ABCC4: variants seen among roughly 807,000 people sequenced by gnomAD.
ABCC4 encodes the protein ATP-binding cassette sub-family C member 4.
In ABCC4, 102 loss-of-function variants were observed where a neutral mutation model predicts 168.5. The observed-to-expected ratio is 0.61, with a 90% CI of 0.52 to 0.71. The LOEUF is 0.71. ABCC4 is among the 30% of genes least tolerant of loss of function. The pLI is 0.00. For missense variants in ABCC4, 1,402 were observed against 1,605.8 expected (o/e 0.87, Z 2.17); for synonymous variants, 617 against 590.7 (o/e 1.04, Z -0.65).
intron 1 of ABCC4, among the ~76,000 whole-genome samples, chr13:95,259,458 T>G (rs1263204307): frequency 6.6e-6 from 1 of 152,050 alleles, no homozygotes; most frequent in African/African-American, 2.4e-5. Flanking sequence ...TACTGGCATT[T>G]GGAGCTGAAA....
At position 95,050,249 on chromosome 13, in the gene ABCC4, G is replaced by A. The variant is rs1005377734; in HGVS notation, c.3456+2846C>T. Among the ~76,000 whole-genome samples, 6 of 152,154 alleles carry A rather than the reference G, an allele frequency of 3.9e-5. No individual in the cohort carries two copies. In the East Asian group the frequency reaches 7.7e-4, roughly 20 times the overall value. ...CTACGAGAAGACCCTCAGACTCCAC[G>A]GACCCCAGGGGAAGAATTCCTGACC... On this transcript the variant is annotated intron_variant, in intron 27 of 30. Coordinates refer to ENST00000645237, the MANE Select transcript of ABCC4 (RefSeq NM_005845.5).
chr13:95,175,059 C>T (rs2037621598), intron 13 of ABCC4, among the ~76,000 whole-genome samples: 1 of 152,186 alleles, frequency 6.6e-6, no homozygotes, highest in African/African-American at 2.4e-5. Flanking sequence ...ATACCAGGCA[C>T]ATTTTGCATA....
chr13:95,163,027 A>T, intron 18 of ABCC4, 95 bp downstream of exon 18: 1 of 809,540 alleles, frequency 1.2e-6, no homozygotes, highest in Admixed American at 1.9e-5. Flanking sequence ...CTGTTAAGAC[A>T]TTACTGAATG....
At chr13:95,120,888 T>C (rs2035547592) in intron 19 of ABCC4, among the ~76,000 whole-genome samples, 1 of 152,182 alleles carries the variant, frequency 6.6e-6, no homozygotes, top group Admixed American at 6.5e-5. Flanking sequence ...CTGGAGACAG[T>C]TGCTGGGCTG....
chr13:95,266,793 C>G (rs967653772), intron 1 of ABCC4, among the ~76,000 whole-genome samples: 2 of 149,854 alleles, frequency 1.3e-5, no homozygotes, highest in Non-Finnish European at 2.9e-5. Flanking sequence ...GCATTACCAG[C>G]TGATATGGTT....
chr13:95,190,014 C>T (rs1377058842), intron 9 of ABCC4, among the ~76,000 whole-genome samples: 1 of 150,284 alleles, frequency 6.7e-6, no homozygotes, highest in African/African-American at 2.5e-5. Flanking sequence ...TAAATGTTAA[C>T]AAAATTATCA....
chr13:95,225,623 TC>T (rs1386785131), intron 4 of ABCC4, among the ~76,000 whole-genome samples: 1 of 152,164 alleles, frequency 6.6e-6, no homozygotes, highest in African/African-American at 2.4e-5. Flanking sequence ...TGAGCCAAGA[TC>T]GTGCCACTGC....
intron 1 of ABCC4, among the ~76,000 whole-genome samples, chr13:95,257,513 C>G (rs2040422291): frequency 6.6e-6 from 1 of 151,980 alleles, no homozygotes; most frequent in South Asian, 2.1e-4. Context: ...TATAAAAATA[C>G]AGAAAAATTA....
At chr13:95,112,451 G>T (rs182796248) in intron 20 of ABCC4, among the ~76,000 whole-genome samples, 117 of 151,986 alleles carry the variant, frequency 7.7e-4, no homozygotes, top group Non-Finnish European at 4.4e-4. Flanking sequence ...ATAACAACTC[G>T]ACAGTCTTAG....
At chr13:95,285,952 CT>C (rs1171870429) in intron 1 of ABCC4, among the ~76,000 whole-genome samples, 1 of 151,998 alleles carries the variant, frequency 6.6e-6, no homozygotes, top group Non-Finnish European at 1.5e-5. Flanking sequence ...AACTGACCAA[CT>C]ACCTTTTATC....
At chr13:95,187,791 AAT>A (rs1315974938) in intron 10 of ABCC4, among the ~76,000 whole-genome samples, 3 of 152,174 alleles carry the variant, frequency 2.0e-5, no homozygotes, top group Non-Finnish European at 4.4e-5. Flanking sequence ...GTTGCTTTAG[AAT>A]ATATGAGACT....
intron 7 of ABCC4, 120 bp downstream of exon 7, chr13:95,207,680 C>T: frequency 9.6e-7 from 1 of 1,045,918 alleles, no homozygotes; most frequent in Non-Finnish European, 1.4e-6. Context: ...AGCGTGGGGA[C>T]TGGGATGGAT....
chr13:95,188,673 G>GGAGAAAATTATTGTATTCCT, intron 9 of ABCC4, 131 bp from the exon 10 acceptor site: 1 of 741,192 alleles, frequency 1.3e-6, no homozygotes, highest in Non-Finnish European at 2.2e-6. Context: ...CCTATTTTAA[G>GGAGAAAATTATTGTATTCCT]ATATTGTATC....
At chr13:95,208,351 AG>A (rs57496527) in intron 6 of ABCC4, among the ~76,000 whole-genome samples, 77,571 of 142,538 alleles carry the variant, frequency 0.54, 21,528 homozygotes, top group African/African-American at 0.64. Flanking sequence ...AAAAAAAAAA[AG>A]CTTCAGAGGA....
intron 1 of ABCC4, among the ~76,000 whole-genome samples, chr13:95,249,498 A>G (rs1245070586): frequency 6.6e-6 from 1 of 152,166 alleles, no homozygotes; most frequent in African/African-American, 2.4e-5. Context: ...GGGGTATCCA[A>G]GTTATGTTCA....
chr13:95,101,120 AC>A (rs941876199), intron 20 of ABCC4, among the ~76,000 whole-genome samples: 2 of 150,326 alleles, frequency 1.3e-5, no homozygotes, highest in African/African-American at 4.9e-5. Context: ...CTGCCCTCCC[AC>A]CCCCCTAGGG....
chr13:95,231,563 T>G (rs906977659), intron 4 of ABCC4, among the ~76,000 whole-genome samples: 41 of 152,304 alleles, frequency 2.7e-4, no homozygotes, highest in Middle Eastern at 3.4e-3. Flanking sequence ...AGAGCCAGCC[T>G]CTGCCCCAAG....
chr13:95,250,107 A>G (rs1427102935), intron 1 of ABCC4, among the ~76,000 whole-genome samples: 1 of 152,252 alleles, frequency 6.6e-6, no homozygotes, highest in Non-Finnish European at 1.5e-5. Context: ...AACTTTGACA[A>G]GAGACTAAAT....
At chr13:95,137,157 G>C in intron 19 of ABCC4, among the ~76,000 whole-genome samples, 1 of 152,196 alleles carries the variant, frequency 6.6e-6, no homozygotes, top group East Asian at 1.9e-4. Context: ...AACAAGCAGT[G>C]GAAGTAGGAA....
Sources: allele counts gnomAD v4.1 joint callset (sites outside exome capture counted in the v4.1 genomes callset), GRCh38; gene constraint gnomAD v4.1.1; transcripts MANE v1.5; gene names NCBI Gene and HGNC (gene_info 2026-07-23, HGNC 2026-07-21).